PDE4DIP: variants seen among roughly 807,000 people sequenced by gnomAD.
PDE4DIP encodes the protein phosphodiesterase 4D interacting protein.
In PDE4DIP, 59 loss-of-function variants were observed where a neutral mutation model predicts 221.4. The ratio of observed to expected loss-of-function variants is 0.27; its 90% CI spans 0.22 to 0.33. The LOEUF (loss-of-function observed/expected upper bound fraction) is 0.33, where lower values mean the gene tolerates loss of function less well. PDE4DIP is among the 10% of genes least tolerant of loss of function. The pLI is 1.00. For synonymous variants in PDE4DIP, 404 were observed against 815.9 expected (o/e 0.50, Z 8.60); for missense variants, 1,036 against 2,154.2 (o/e 0.48, Z 10.28).
exon 42 of PDE4DIP, chr1:149,029,824 C>T (rs1307293860): frequency 1.2e-6 from 2 of 1,603,420 alleles, no homozygotes; most frequent in South Asian, 1.1e-5. Context: ...GAACTGAGAA[C>T]CAAAGTATCC....
At chr1:148,999,714 G>T (rs587695551) in intron 23 of PDE4DIP, among the ~76,000 whole-genome samples, 1 of 151,770 alleles carries the variant, frequency 6.6e-6, no homozygotes, top group African/African-American at 2.4e-5. Context: ...CATCTCTTTT[G>T]ATTCTATTGT....
intron 1 of PDE4DIP, among the ~76,000 whole-genome samples, chr1:148,905,276 C>T (rs1278036278): frequency 1.6e-4 from 19 of 119,082 alleles, no homozygotes; most frequent in East Asian, 5.5e-4. Flanking sequence ...CTCCGCCTCC[C>T]GGGTTCATGC....
chr1:148,942,200 A>G (rs1387324041), intron 5 of PDE4DIP: 1 of 152,056 alleles, frequency 6.6e-6, no homozygotes, highest in African/African-American at 2.4e-5. Context: ...AGTCTGGAGT[A>G]TGAGTATAAT....
chr1:148,815,346 A>G (rs4101262), intron 1 of PDE4DIP, among the ~76,000 whole-genome samples: 3,490 of 136,210 alleles, frequency 0.026, 6 homozygotes, highest in African/African-American at 0.033. Context: ...GTCAGGAGAC[A>G]GAGACCATCC....
In PDE4DIP at chr1:148,975,163, C is replaced by G; in HGVS notation, c.2319+558C>G. ...TCCAGCCTGGGCAACAAGAGCAAAA[C>G]TCCGCCTCCAAGATAATAATAATAA... On this transcript the variant is annotated intron_variant, in intron 17 of 43. Coordinates refer to ENST00000369354, the Ensembl canonical transcript of PDE4DIP. 2.7e-5 allele frequency among the ~76,000 whole-genome samples: 4 copies of G among 148,094 alleles called. No homozygotes were observed. The Middle Eastern group carries it at 0.014, about 514-fold the overall frequency.
intron 16 of PDE4DIP, among the ~76,000 whole-genome samples, chr1:148,973,364 T>C (rs1178328133): frequency 6.7e-6 from 1 of 149,674 alleles, no homozygotes; most frequent in Non-Finnish European, 1.5e-5. Flanking sequence ...TCTCCTGACC[T>C]CGTGATCCGC....
rs1251963744 is a variant in PDE4DIP at position 149,020,064 on chromosome 1, G to C, written c.5771-83G>C. The C allele has an allele frequency of 7.2e-6, 4 of 557,064 alleles. No homozygotes were observed. In the East Asian group the frequency reaches 1.2e-4, roughly 17 times the overall value. 34.5% of individuals were successfully genotyped at this position (557,064 alleles called of 1,614,324 possible). ...CCTTCCCTGCTCCTTAGCTCTGTCT[G>C]TCAGGGTGGATGTGCTTGGGGTCAT... is the stretch of plus-strand genomic sequence containing the variant. On this transcript the variant is annotated intron_variant, in intron 35 of 43. Transcript: ENST00000369354.
chr1:148,946,054 C>G (rs1371204756), intron 5 of PDE4DIP, among the ~76,000 whole-genome samples: 1 of 151,752 alleles, frequency 6.6e-6, no homozygotes, highest in Non-Finnish European at 1.5e-5. Flanking sequence ...TGTGAAATGT[C>G]ACTCTCTCCT....
intron 5 of PDE4DIP, chr1:148,952,830 G>C (rs782290489): frequency 7.4e-7 from 1 of 1,359,372 alleles, no homozygotes; most frequent in Non-Finnish European, 1.0e-6. Context: ...GGAAACCAGC[G>C]GCGCTGGATC....
exon 42 of PDE4DIP, chr1:149,029,878 A>C (rs151058495): frequency 1.8e-4 from 291 of 1,601,804 alleles, no homozygotes; most frequent in Middle Eastern, 1.4e-3. Context: ...CATCTGAAGA[A>C]CGCCAACCAG....
intron 26 of PDE4DIP, among the ~76,000 whole-genome samples, chr1:149,004,173 G>C (rs1217774137): frequency 2.6e-5 from 4 of 151,170 alleles, no homozygotes; most frequent in Non-Finnish European, 5.9e-5. Context: ...AGACTGGTTG[G>C]TTCAAATCCC....
chr1:148,899,472 G>T (rs1460932191), intron 1 of PDE4DIP, among the ~76,000 whole-genome samples: 2 of 124,642 alleles, frequency 1.6e-5, no homozygotes, highest in Non-Finnish European at 3.4e-5. Context: ...TATCCCAAAT[G>T]AATAGAGTGG....
intron 36 of PDE4DIP, chr1:149,020,578 T>C (rs1553617377): frequency 5.5e-5 from 16 of 289,754 alleles, no homozygotes. Context: ...AACTCTGTTA[T>C]AGAAGTCTTC....
intron 17 of PDE4DIP, among the ~76,000 whole-genome samples, chr1:148,977,734 G>T (rs1214107524): frequency 2.6e-5 from 4 of 152,128 alleles, no homozygotes; most frequent in Non-Finnish European, 2.9e-5. Flanking sequence ...TAAAGTAGAA[G>T]ACATCATTAA....
chr1:148,860,157 T>A (rs628907), intron 1 of PDE4DIP, among the ~76,000 whole-genome samples: 645 of 2,616 alleles, frequency 0.25, 17 homozygotes, highest in East Asian at 0.46. Flanking sequence ...ATCCTTCCAG[T>A]TATTGATTCA....
rs587775605 is a variant in PDE4DIP, at chr1:149,020,867, G to C, written c.5961-162G>C. 3 of 581,820 alleles carry C rather than the reference G, an allele frequency of 5.2e-6. No homozygotes were observed. The African/African-American group carries it at 5.5e-5, about 11-fold the overall frequency. 36.0% of individuals were successfully genotyped at this position (581,820 alleles called of 1,614,324 possible). ...CCATTTCCATATCTGCGAAATAAAAGTGATAGTCTTCATGACCCCCTGAGT... is the reference window on the plus strand; with the variant it reads ...CCATTTCCATATCTGCGAAATAAAACTGATAGTCTTCATGACCCCCTGAGT... On this transcript the variant is annotated intron_variant, in intron 36 of 43. Coordinates refer to ENST00000369354, the Ensembl canonical transcript of PDE4DIP.
At chr1:149,006,997 C>T (rs184207656) in intron 27 of PDE4DIP, among the ~76,000 whole-genome samples, 8 of 143,238 alleles carry the variant, frequency 5.6e-5, no homozygotes, top group Admixed American at 2.1e-4. Flanking sequence ...CTACCACGCC[C>T]GGCCCGTACT....
intron 38 of PDE4DIP, among the ~76,000 whole-genome samples, chr1:149,025,190 A>G (rs1271242587): frequency 6.6e-6 from 1 of 151,600 alleles, no homozygotes; most frequent in Non-Finnish European, 1.5e-5. Flanking sequence ...CTGAGATATT[A>G]ACAGACAAGC....
intron 1 of PDE4DIP, among the ~76,000 whole-genome samples, chr1:148,918,694 G>A (rs1200016366): frequency 1.5e-5 from 2 of 137,282 alleles, no homozygotes; most frequent in Non-Finnish European, 3.1e-5. Flanking sequence ...AATCTCCTTA[G>A]CACTCATCCA....
Sources: gnomAD v4.1 joint callset for allele counts (sites outside exome capture counted in the v4.1 genomes callset) on GRCh38, gnomAD v4.1.1 for gene constraint, MANE v1.5 for transcripts, NCBI Gene and HGNC (gene_info 2026-07-23, HGNC 2026-07-21) for gene names.